RIN2: variants seen among roughly 807,000 people sequenced by gnomAD.
The protein encoded by RIN2 is RAB5 interacting protein 2.
In RIN2, 36 loss-of-function variants were observed where a neutral mutation model predicts 78.0. The observed-to-expected ratio is 0.46, with a 90% CI of 0.35 to 0.61. The LOEUF (loss-of-function observed/expected upper bound fraction) is 0.61. Among genes scored for constraint, RIN2 ranks in the 20% least tolerant of loss-of-function variants. RIN2 has a pLI of 0.00. For synonymous variants in RIN2, 466 were observed against 466.8 expected (o/e 1.00, Z 0.02); for missense variants, 1,087 against 1,159.7 (o/e 0.94, Z 0.91).
chr20:19,895,059 C>T (rs1187176472), intron 3 of RIN2, among the ~76,000 whole-genome samples: 1 of 152,096 alleles, frequency 6.6e-6, no homozygotes, highest in African/African-American at 2.4e-5. Flanking sequence ...ATCCCTTACC[C>T]CTCCCCACCA....
chr20:19,915,237 G>A (rs1600786423), intron 3 of RIN2, among the ~76,000 whole-genome samples: 1 of 152,164 alleles, frequency 6.6e-6, no homozygotes, highest in Admixed American at 6.5e-5. Flanking sequence ...GGAAGGGGAG[G>A]CAGCCAATAC....
chr20:19,850,990 A>AAAGGAAGGAAGGAAGGAAGG (rs199637524), intron 2 of RIN2, among the ~76,000 whole-genome samples: 8 of 99,354 alleles, frequency 8.1e-5, no homozygotes, highest in African/African-American at 3.2e-4. Flanking sequence ...GAAAGGGAGA[A>AAAGGAAGGAAGGAAGGAAGG]AAGGAAGGAA....
chr20:19,915,790 C>G (rs1340544397), intron 3 of RIN2, among the ~76,000 whole-genome samples: 1 of 152,166 alleles, frequency 6.6e-6, no homozygotes, highest in African/African-American at 2.4e-5. Context: ...TCTATGTGCT[C>G]AGAGGACACT....
chr20:19,828,187 A>G (rs2036152010), intron 2 of RIN2, among the ~76,000 whole-genome samples: 1 of 152,174 alleles, frequency 6.6e-6, no homozygotes, highest in Admixed American at 6.5e-5. Context: ...AACTTTGTGA[A>G]ATCTCTGTTT....
At chr20:19,904,615 A>G (rs2123670926) in intron 3 of RIN2, among the ~76,000 whole-genome samples, 1 of 152,238 alleles carries the variant, frequency 6.6e-6, no homozygotes, top group Non-Finnish European at 1.5e-5. Context: ...GCTCTGAGGG[A>G]GAAAAAGGGT....
chr20:19,854,569 G>A (rs1406009077), intron 2 of RIN2, among the ~76,000 whole-genome samples: 2 of 152,194 alleles, frequency 1.3e-5, no homozygotes, highest in East Asian at 3.8e-4. Context: ...GCAGTGGTTT[G>A]TAGTTCTCCT....
intron 2 of RIN2, chr20:19,889,178 T>G (rs932864461): frequency 3.5e-5 from 34 of 985,302 alleles, no homozygotes; most frequent in Middle Eastern, 5.2e-4. Flanking sequence ...GTACAGAACC[T>G]CCTTCTTCAG....
chr20:19,885,449 T>C (rs920574014), intron 2 of RIN2, among the ~76,000 whole-genome samples: 1 of 152,088 alleles, frequency 6.6e-6, no homozygotes, highest in Non-Finnish European at 1.5e-5. Context: ...GTGGATCACT[T>C]GAGGTCAGGA....
At chr20:19,759,817 T>C (rs1294712655) in intron 1 of RIN2, among the ~76,000 whole-genome samples, 2 of 152,088 alleles carry the variant, frequency 1.3e-5, no homozygotes, top group Admixed American at 6.5e-5. Flanking sequence ...TAAGCCGACA[T>C]TGTGCCACTC....
intron 9 of RIN2, among the ~76,000 whole-genome samples, chr20:19,980,451 G>A (rs1343326105): frequency 6.6e-6 from 1 of 152,146 alleles, no homozygotes; most frequent in Non-Finnish European, 1.5e-5. Context: ...CTGCACAAGG[G>A]GGCTGTTAGC....
chr20:19,899,608 A>T (rs887035524), intron 3 of RIN2, among the ~76,000 whole-genome samples: 2 of 152,178 alleles, frequency 1.3e-5, no homozygotes, highest in Non-Finnish European at 2.9e-5. Context: ...GGCCAGGGTC[A>T]TAGTCTCATC....
At chr20:19,965,650 C>T (rs1568672307) in intron 7 of RIN2, among the ~76,000 whole-genome samples, 1 of 152,220 alleles carries the variant, frequency 6.6e-6, no homozygotes, top group Non-Finnish European at 1.5e-5. Flanking sequence ...CTCACTCTGT[C>T]ACCCAGGCTG....
chr20:19,922,764 G>A lies in RIN2; in HGVS notation c.58-12335G>A, dbSNP rs889044051. Among the ~76,000 whole-genome samples the A allele has an allele frequency of 3.9e-4, 59 of 152,286 alleles. 1 individual carries two copies. Among genetic ancestry groups the A allele is most frequent in the African/African-American group, 1.4e-3 (57 of 41,566 alleles). ...AGCTTCCCTCCTGCTCCCAGGAAGC[G>A]CCCAAAGACCAGTGTCCCCAGCAGA... On this transcript the variant is annotated intron_variant, in intron 3 of 12. Transcript: ENST00000255006.
At chr20:19,900,543 C>A (rs1272754277) in intron 3 of RIN2, among the ~76,000 whole-genome samples, 1 of 151,758 alleles carries the variant, frequency 6.6e-6, no homozygotes, top group Non-Finnish European at 1.5e-5. Flanking sequence ...AATCCCAGCA[C>A]TTTGGGAGGT....
chr20:19,850,929 G>C (rs1036201684), intron 2 of RIN2, among the ~76,000 whole-genome samples: 1 of 151,624 alleles, frequency 6.6e-6, no homozygotes, highest in Non-Finnish European at 1.5e-5. Flanking sequence ...AGCCAAGATC[G>C]TGCCACTGCA....
chr20:19,998,378 C>T (rs1466617703), intron 12 of RIN2, among the ~76,000 whole-genome samples: 2 of 152,018 alleles, frequency 1.3e-5, no homozygotes, highest in African/African-American at 4.8e-5. Flanking sequence ...AGGAAGATCG[C>T]TTGAGGCCAG....
At position 19,983,643 on chromosome 20, in the gene RIN2, G is replaced by A. The variant is rs555838894; in HGVS notation, c.1763-6363G>A. On this transcript the variant is annotated intron_variant, in intron 9 of 12. Transcript: ENST00000255006. ...ATGCTAGAACTAAAATAAGCTAAGA[G>A]GTCACATGATCTAAACTCATGGATT... 2.0e-5 allele frequency among the ~76,000 whole-genome samples: 3 copies of A among 152,188 alleles called. No individual in the cohort carries two copies. The South Asian group carries it at 6.2e-4, about 32-fold the overall frequency.
intron 2 of RIN2, among the ~76,000 whole-genome samples, chr20:19,856,567 G>A (rs1333594105): frequency 1.3e-5 from 2 of 149,094 alleles, no homozygotes; most frequent in Non-Finnish European, 1.5e-5. Flanking sequence ...GAGAAAGGGA[G>A]GAAGGAAGGA....
chr20:19,903,179 A>G (rs6106154), intron 3 of RIN2, among the ~76,000 whole-genome samples: 78,963 of 152,062 alleles, frequency 0.52, 21,381 homozygotes, highest in African/African-American at 0.69. Context: ...AGGAGGGCTA[A>G]GATGTTGTCA....
Sources: allele counts gnomAD v4.1 joint callset (sites outside exome capture counted in the v4.1 genomes callset), GRCh38; gene constraint gnomAD v4.1.1; transcripts MANE v1.5; gene names NCBI Gene and HGNC (gene_info 2026-07-23, HGNC 2026-07-21).